COX10: variants seen among roughly 807,000 people sequenced by gnomAD.
The protein encoded by COX10 is cytochrome c oxidase assembly factor heme A:farnesyltransferase COX10.
In COX10, 27 loss-of-function variants were observed where a neutral mutation model predicts 37.3. The ratio of observed to expected loss-of-function variants is 0.72; its 90% CI spans 0.53 to 1.00. COX10 has a LOEUF of 1.00. Among genes scored for constraint, COX10 ranks in the 50% least tolerant of loss-of-function variants. COX10 has a pLI of 0.00. For synonymous variants in COX10, 222 were observed against 229.1 expected (o/e 0.97, Z 0.28); for missense variants, 475 against 563.2 (o/e 0.84, Z 1.59).
intron 4 of COX10, among the ~76,000 whole-genome samples, chr17:14,121,234 G>A (rs141678737): frequency 1.3e-5 from 2 of 152,300 alleles, no homozygotes; most frequent in African/African-American, 4.8e-5. Flanking sequence ...AATTTTGTGA[G>A]TAGGAAGTAA....
At chr17:14,103,149 A>G (rs1250872915) in intron 4 of COX10, among the ~76,000 whole-genome samples, 1 of 152,090 alleles carries the variant, frequency 6.6e-6, no homozygotes, top group Admixed American at 6.6e-5. Context: ...TCTTATAGTG[A>G]GGTTCAAATA....
chr17:14,159,996 C>A, intron 5 of COX10, 49 bp downstream of exon 5: 3 of 1,495,768 alleles, frequency 2.0e-6, no homozygotes, highest in Non-Finnish European at 1.9e-6. Flanking sequence ...CATTCATTTG[C>A]TTGTTCATCT....
At chr17:14,176,428 A>G (rs1395718722) in intron 5 of COX10, among the ~76,000 whole-genome samples, 1 of 152,160 alleles carries the variant, frequency 6.6e-6, no homozygotes, top group African/African-American at 2.4e-5. Context: ...AGAATAATAG[A>G]GTAAACCCCG....
intron 4 of COX10, among the ~76,000 whole-genome samples, chr17:14,103,321 A>G (rs1018829986): frequency 2.0e-5 from 3 of 152,160 alleles, no homozygotes; most frequent in African/African-American, 7.2e-5. Flanking sequence ...ATGAAAAGCA[A>G]TATAAGCCAA....
At chr17:14,080,817 GTTGTT>G (rs1350035113) in intron 3 of COX10, among the ~76,000 whole-genome samples, 2 of 150,234 alleles carry the variant, frequency 1.3e-5, no homozygotes, top group African/African-American at 2.5e-5. Context: ...ATGGTATTTT[GTTGTT>G]TTGTTTTGTT....
At chr17:14,176,012 G>T (rs1905677106) in intron 5 of COX10, among the ~76,000 whole-genome samples, 2 of 152,186 alleles carry the variant, frequency 1.3e-5, no homozygotes, top group Admixed American at 6.5e-5. Flanking sequence ...GGGCTGGTGT[G>T]ATCAGATTTA....
chr17:14,203,654 C>T (rs1906612565), intron 6 of COX10, among the ~76,000 whole-genome samples: 1 of 152,222 alleles, frequency 6.6e-6, no homozygotes, highest in Non-Finnish European at 1.5e-5. Context: ...GGTTCCTTCT[C>T]ATGCTCACTG....
At chr17:14,124,157 G>C (rs1446598696) in intron 4 of COX10, among the ~76,000 whole-genome samples, 1 of 152,128 alleles carries the variant, frequency 6.6e-6, no homozygotes, top group East Asian at 1.9e-4. Context: ...TAGGTTAGTT[G>C]TTGCATCAAA....
intron 4 of COX10, among the ~76,000 whole-genome samples, chr17:14,136,536 A>T (rs188297111): frequency 6.6e-6 from 1 of 152,198 alleles, no homozygotes. Context: ...ATTTCTTGCC[A>T]TAAAGCACGG....
At chr17:14,152,739 C>G (rs567534700) in intron 4 of COX10, among the ~76,000 whole-genome samples, 7 of 152,318 alleles carry the variant, frequency 4.6e-5, no homozygotes, top group African/African-American at 1.7e-4. Context: ...GTCCTTGCCA[C>G]TTCTAAACAT....
At chr17:14,145,329 T>A (rs2142228913) in intron 4 of COX10, among the ~76,000 whole-genome samples, 1 of 152,288 alleles carries the variant, frequency 6.6e-6, no homozygotes, top group Non-Finnish European at 1.5e-5. Context: ...AATCCTCTTG[T>A]CCTATAAGGT....
At chr17:14,122,073 C>A (rs556710124) in intron 4 of COX10, among the ~76,000 whole-genome samples, 6 of 152,184 alleles carry the variant, frequency 3.9e-5, no homozygotes, top group African/African-American at 1.4e-4. Flanking sequence ...AGTAGGGAGC[C>A]ATTGAAGTGG....
chr17:14,078,944 G>A (rs1433665575), intron 3 of COX10, among the ~76,000 whole-genome samples: 3 of 151,982 alleles, frequency 2.0e-5, no homozygotes, highest in Non-Finnish European at 2.9e-5. Context: ...TGGGAAACTG[G>A]TCTGCCTGTC....
chr17:14,090,975 C>T (rs191743618), intron 3 of COX10, among the ~76,000 whole-genome samples: 2 of 152,218 alleles, frequency 1.3e-5, no homozygotes, highest in South Asian at 2.1e-4. Context: ...AGAAGTGTAG[C>T]GAACTAGCTT....
intron 3 of COX10, among the ~76,000 whole-genome samples, chr17:14,091,996 A>G (rs1189851800): frequency 2.6e-5 from 4 of 152,136 alleles, no homozygotes; most frequent in African/African-American, 4.8e-5. Flanking sequence ...GGAATTTTTT[A>G]AAGTTAATTA....
intron 6 of COX10, among the ~76,000 whole-genome samples, chr17:14,203,222 T>C (rs1288927677): frequency 6.6e-6 from 1 of 151,998 alleles, no homozygotes; most frequent in East Asian, 1.9e-4. Flanking sequence ...TGAGCTAAGA[T>C]TTATACATAT....
chr17:14,179,937 A>G (rs1419896774), intron 5 of COX10, among the ~76,000 whole-genome samples: 2 of 152,096 alleles, frequency 1.3e-5, no homozygotes, highest in African/African-American at 2.4e-5. Context: ...TGGTTTTGAA[A>G]TGAATGATGA....
At chr17:14,163,439 A>G (rs1053509191) in intron 5 of COX10, among the ~76,000 whole-genome samples, 1 of 151,912 alleles carries the variant, frequency 6.6e-6, no homozygotes, top group Non-Finnish European at 1.5e-5. Flanking sequence ...GTATTTTTAT[A>G]GAGATTGGGT....
chr17:14,140,033 T>C (rs143949831), intron 4 of COX10, among the ~76,000 whole-genome samples: 6 of 152,264 alleles, frequency 3.9e-5, no homozygotes, highest in Non-Finnish European at 7.4e-5. Flanking sequence ...AAACTAACCT[T>C]CAAAAGAGTT....
Sources: allele counts gnomAD v4.1 joint callset (sites outside exome capture counted in the v4.1 genomes callset), GRCh38; gene constraint gnomAD v4.1.1; transcripts MANE v1.5; gene names NCBI Gene and HGNC (gene_info 2026-07-23, HGNC 2026-07-21).